Variants in PGGT1B observed in about 807,000 individuals in gnomAD.
The protein encoded by PGGT1B is geranylgeranyl transferase type-1 subunit beta.
PGGT1B carries 30 observed loss-of-function variants against 46.1 expected under a neutral mutation model. That is an observed-to-expected ratio of 0.65 (90% CI 0.49 to 0.88). PGGT1B has a LOEUF of 0.88. PGGT1B is among the 40% of genes least tolerant of loss of function. The pLI, the probability that PGGT1B is intolerant of heterozygous loss-of-function variation, is 0.00. For synonymous variants in PGGT1B, 170 were observed against 160.0 expected, an observed-to-expected ratio of 1.06 and a Z score of -0.47; for missense variants, 376 against 455.9, an observed-to-expected ratio of 0.82 and a Z score of 1.60.
At chr5:115,250,554 C>T (rs1179368003) in intron 2 of PGGT1B, among the ~76,000 whole-genome samples, 1 of 152,074 alleles carries the variant, frequency 6.6e-6, no homozygotes, top group Non-Finnish European at 1.5e-5. Context: ...GGGTTTCAAA[C>T]CAGTGAAGTC....
chr5:115,231,181 A>G (rs1756969939), intron 5 of PGGT1B, among the ~76,000 whole-genome samples, 160 bp from the exon 6 acceptor site: 3 of 152,242 alleles, frequency 2.0e-5, no homozygotes, highest in South Asian at 4.1e-4. Flanking sequence ...AAGTAGAATT[A>G]GGCATTTTCA....
intron 1 of PGGT1B, among the ~76,000 whole-genome samples, chr5:115,253,702 G>T (rs1281206822): frequency 6.6e-6 from 1 of 151,848 alleles, no homozygotes; most frequent in South Asian, 2.1e-4. Context: ...TAATTCAAAG[G>T]TGTTCACAAA....
intron 3 of PGGT1B, among the ~76,000 whole-genome samples, chr5:115,238,929 G>A (rs548413102): frequency 4.6e-5 from 7 of 152,112 alleles, no homozygotes; most frequent in East Asian, 1.9e-4. Context: ...CCCATGAATC[G>A]TAAGATTTTC....
intron 6 of PGGT1B, among the ~76,000 whole-genome samples, chr5:115,223,221 T>C (rs1266347926): frequency 6.6e-6 from 1 of 152,122 alleles, no homozygotes; most frequent in Admixed American, 6.6e-5. Context: ...CTTCAAAACG[T>C]ATCCATACCC....
In PGGT1B at chr5:115,222,017, C is replaced by T. The variant is rs1561471983; in HGVS notation, c.659-9G>A. ...ACAAAAAGTTGATCCTCCTGTTAATCAAAACCACACAACGTTTTAAACTTC... is the reference window on the plus strand; with the variant it reads ...ACAAAAAGTTGATCCTCCTGTTAATTAAAACCACACAACGTTTTAAACTTC... On this transcript the variant is annotated splice_polypyrimidine_tract_variant and intron_variant, in intron 6 of 8. Coordinates refer to ENST00000419445, the MANE Select transcript of PGGT1B (RefSeq NM_005023.4). The T allele has an allele frequency of 6.6e-7, 1 of 1,515,858 alleles. No individual in the cohort carries two copies. The highest frequency in any genetic ancestry group is 8.8e-7 in the Non-Finnish European group (1 of 1,130,194). The allele number at this position is 1,515,858 out of a possible 1,614,324, so 93.9% of individuals were successfully genotyped here.
chr5:115,207,558 G>C lies in PGGT1B; in HGVS notation c.*4844C>G, dbSNP rs891525411. 1 of 151,964 alleles carries C rather than the reference G, an allele frequency of 6.6e-6. No homozygotes were observed. The highest frequency in any genetic ancestry group is 6.6e-5 in the Admixed American group (1 of 15,228). 9.4% of individuals were successfully genotyped at this position (151,964 alleles called of 1,614,324 possible). On this transcript the variant is annotated 3_prime_UTR_variant, in exon 9 of 9. Transcript: ENST00000419445. ...ATTTCTGACACCATACATAGATGCTGTCTGTTTTGAACTTCACCGAAATGG... is the reference window on the plus strand; with the variant it reads ...ATTTCTGACACCATACATAGATGCTCTCTGTTTTGAACTTCACCGAAATGG...
In PGGT1B at chr5:115,209,799, A is replaced by T. The variant is rs995305726; in HGVS notation, c.*2603T>A. ...TTTGCTGTATTCCAGGTACTATCCT[A>T]AGTGCTTTATCTGTATTATCTCATT... On this transcript the variant is annotated 3_prime_UTR_variant, in exon 9 of 9. Transcript: ENST00000419445. 2 of 152,134 alleles carry T rather than the reference A, an allele frequency of 1.3e-5. No homozygotes were observed. The highest frequency in any genetic ancestry group is 2.9e-5 in the Non-Finnish European group (2 of 68,012). 9.4% of individuals were successfully genotyped at this position (152,134 alleles called of 1,614,324 possible).
intron 2 of PGGT1B, among the ~76,000 whole-genome samples, chr5:115,247,916 A>G (rs1747922706): frequency 6.6e-6 from 1 of 152,208 alleles, no homozygotes; most frequent in African/African-American, 2.4e-5. Flanking sequence ...ATAAATGAAC[A>G]TTGTAAAACC....
intron 1 of PGGT1B, among the ~76,000 whole-genome samples, chr5:115,260,069 T>C (rs1157014039): frequency 1.3e-5 from 2 of 152,200 alleles, no homozygotes; most frequent in Admixed American, 6.5e-5. Context: ...TCACTTGGAT[T>C]ATAAACTAGT....
At chr5:115,244,747 C>G (rs1186873106) in intron 2 of PGGT1B, among the ~76,000 whole-genome samples, 1 of 151,666 alleles carries the variant, frequency 6.6e-6, no homozygotes, top group Non-Finnish European at 1.5e-5. Context: ...TGAGCTACCA[C>G]GCCCAGCTAA....
chr5:115,221,743 A>C (rs1456947778), intron 7 of PGGT1B, 81 bp downstream of exon 7: 1 of 786,452 alleles, frequency 1.3e-6, no homozygotes, highest in East Asian at 2.9e-5. Context: ...TATTTAATAC[A>C]CATTACAAAG....
chr5:115,233,790 G>C (rs752253890), intron 5 of PGGT1B, among the ~76,000 whole-genome samples: 2 of 151,876 alleles, frequency 1.3e-5, no homozygotes, highest in Non-Finnish European at 2.9e-5. Flanking sequence ...AAAGTATAAC[G>C]CTTTTTATTG....
chr5:115,252,838 A>G (rs1477735996), intron 2 of PGGT1B: 1 of 245,474 alleles, frequency 4.1e-6, no homozygotes, highest in African/African-American at 2.3e-5. Flanking sequence ...CTAATCAAAC[A>G]TAAATACTGA....
chr5:115,221,764 T>G, intron 7 of PGGT1B, 60 bp downstream of exon 7: 1 of 1,077,766 alleles, frequency 9.3e-7, no homozygotes, highest in East Asian at 2.6e-5. Flanking sequence ...ATCAAACCTT[T>G]TTAGCACAAT....
In PGGT1B at chr5:115,238,291, ATTTTTTTT is replaced by A. The variant is rs35711954; in HGVS notation, c.328-290_328-283del. On this transcript the variant is annotated intron_variant, in intron 3 of 8. Transcript: ENST00000419445. Reference sequence around the variant, plus strand: ...AATTATGTATTACTTATTTTTTTGGATTTTTTTTTTTTTTTTTTTTTTTTTTTTTTAGT... The same window carrying A: ...AATTATGTATTACTTATTTTTTTGGATTTTTTTTTTTTTTTTTTTTTTAGT... Among the ~76,000 whole-genome samples the A allele has an allele frequency of 8.3e-4, 39 of 46,962 alleles. 1 individual carries two copies. The highest frequency in any genetic ancestry group is 7.7e-3 in the South Asian group (6 of 778). The allele number at this position is 46,962 out of a possible 152,430, so 30.8% of individuals were successfully genotyped here.
intron 8 of PGGT1B, among the ~76,000 whole-genome samples, chr5:115,214,359 T>C (rs1337331363): frequency 6.6e-6 from 1 of 152,196 alleles, no homozygotes; most frequent in East Asian, 1.9e-4. Context: ...TGTGGAACTA[T>C]ATGTTTACTC....
intron 2 of PGGT1B, among the ~76,000 whole-genome samples, chr5:115,248,184 C>T (rs1165553798): frequency 6.6e-6 from 1 of 152,120 alleles, no homozygotes; most frequent in Non-Finnish European, 1.5e-5. Context: ...GGAACAGATA[C>T]TAGATTTTCC....
At position 115,212,292 on chromosome 5, in the gene PGGT1B, G is replaced by C. The variant is rs1183053291; in HGVS notation, c.*110C>G. The C allele has an allele frequency of 1.3e-6, 2 of 1,527,962 alleles. No homozygotes were observed. The highest frequency in any genetic ancestry group is 1.8e-6 in the Non-Finnish European group (2 of 1,138,510). The allele number at this position is 1,527,962 out of a possible 1,614,324, so 94.7% of individuals were successfully genotyped here. Reference sequence around the variant, plus strand: ...CCAAAGTGAAATCAGCAGGAGATTTGATTGTAAGACTCTACCTTTTAAAAA... The same window carrying C: ...CCAAAGTGAAATCAGCAGGAGATTTCATTGTAAGACTCTACCTTTTAAAAA... On this transcript the variant is annotated 3_prime_UTR_variant, in exon 9 of 9. Transcript: ENST00000419445.
chr5:115,251,590 A>G (rs1316381520), intron 2 of PGGT1B, among the ~76,000 whole-genome samples: 1 of 152,116 alleles, frequency 6.6e-6, no homozygotes, highest in African/African-American at 2.4e-5. Flanking sequence ...TGGTCTGGAA[A>G]CTATAACCTA....
Sources: allele counts gnomAD v4.1 joint callset (sites outside exome capture counted in the v4.1 genomes callset), GRCh38; gene constraint gnomAD v4.1.1; transcripts MANE v1.5; gene names NCBI Gene and HGNC (gene_info 2026-07-23, HGNC 2026-07-21).